TMIGD3: variants seen among roughly 807,000 people sequenced by gnomAD.
The protein encoded by TMIGD3 is AD026 protein (AD026).
TMIGD3 carries 21 observed loss-of-function variants against 28.1 expected under a neutral mutation model. The observed-to-expected ratio is 0.75, with a 90% CI of 0.53 to 1.08. TMIGD3 has a LOEUF of 1.08. Ranked by LOEUF, TMIGD3 falls within the 50% of genes least tolerant of loss-of-function variation. The pLI, the probability that TMIGD3 is intolerant of heterozygous loss-of-function variation, is 0.00. For synonymous variants in TMIGD3, 151 were observed against 162.1 expected (o/e 0.93, Z 0.52); for missense variants, 416 against 435.6 (o/e 0.96, Z 0.40).
chr1:111,541,509 A>G (rs1439463122), intron 1 of TMIGD3, among the ~76,000 whole-genome samples: 1 of 152,230 alleles, frequency 6.6e-6, no homozygotes, highest in Non-Finnish European at 1.5e-5. Flanking sequence ...AATTTGGGAC[A>G]TGCCAAGTTG....
chr1:111,541,771 C>T (rs1656836077), intron 1 of TMIGD3, among the ~76,000 whole-genome samples: 1 of 151,938 alleles, frequency 6.6e-6, no homozygotes, highest in Non-Finnish European at 1.5e-5. Flanking sequence ...GGACAGGGGA[C>T]GAGGGGCCCG....
Position 111,485,720 on chromosome 1 carries a change from C to A in TMIGD3, c.973+20G>T. On this transcript the variant is annotated intron_variant, in intron 5 of 5. Coordinates refer to ENST00000369716, the MANE Select transcript of TMIGD3 (RefSeq NM_020683.7). ...TTCTCTAATTCTTGCCCACCCCCTC[C>A]CTCAACAATAGCTACTTACCCCTTC... 8.0e-7 allele frequency: 1 copy of A among 1,247,898 alleles called. No individual in the cohort carries two copies. The highest frequency in any genetic ancestry group is 1.3e-5 in the South Asian group (1 of 79,574). 77.3% of individuals were successfully genotyped at this position (1,247,898 alleles called of 1,614,324 possible). A position where few individuals can be genotyped will look rare whatever the true frequency, so the allele number is the denominator to read the frequency against.
At chr1:111,542,779 C>G (rs1006268899) in intron 1 of TMIGD3, among the ~76,000 whole-genome samples, 4 of 152,134 alleles carry the variant, frequency 2.6e-5, no homozygotes, top group Non-Finnish European at 5.9e-5. Context: ...TCACTGAAAC[C>G]TCCGCCTCCC....
Position 111,486,641 on chromosome 1 carries a change from T to C in TMIGD3, c.817A>G (p.Asn273Asp), listed in dbSNP as rs1654389897. 6.2e-7 allele frequency: 1 copy of C among 1,613,824 alleles called. No individual in the cohort carries two copies. Among genetic ancestry groups the C allele is most frequent in the African/African-American group, 1.3e-5 (1 of 74,896 alleles). The change falls in exon 4 of 6, where the codon AAC becomes GAC. Residue 273 changes from asparagine to aspartate, a missense_variant. Transcript: ENST00000369716. ...GGAGCCTTGCAGCTTCTGGTTTTGT[T>C]GCCTGATAGGTCTGAATCAGAAAGG... ...DFWSGKDLSGNKTRSCKAPKV... is the reference protein window; with the variant it reads ...DFWSGKDLSGDKTRSCKAPKV...
intron 1 of TMIGD3, among the ~76,000 whole-genome samples, chr1:111,559,453 C>T (rs1657643928): frequency 6.6e-6 from 1 of 152,144 alleles, no homozygotes. Context: ...CAGCATAATA[C>T]TGGTCATCAA....
chr1:111,544,589 T>C (rs1656968515), intron 1 of TMIGD3, among the ~76,000 whole-genome samples: 1 of 152,226 alleles, frequency 6.6e-6, no homozygotes, highest in Admixed American at 6.5e-5. Context: ...CCACATTTTG[T>C]TTATCCCCTT....
intron 1 of TMIGD3, among the ~76,000 whole-genome samples, chr1:111,546,919 C>T (rs768855184): frequency 2.6e-5 from 4 of 152,110 alleles, no homozygotes; most frequent in Admixed American, 6.5e-5. Flanking sequence ...TTCTCCATAT[C>T]GTCACCAACA....
chr1:111,514,792 G>C (rs1036102723), intron 1 of TMIGD3, among the ~76,000 whole-genome samples: 2 of 152,056 alleles, frequency 1.3e-5, no homozygotes, highest in South Asian at 2.1e-4. Flanking sequence ...GGCTCTCTCC[G>C]GGCCTGGACC....
intron 5 of TMIGD3, among the ~76,000 whole-genome samples, chr1:111,484,687 T>C (rs1170461173): frequency 6.6e-6 from 1 of 152,242 alleles, no homozygotes; most frequent in East Asian, 1.9e-4. Context: ...TTTCAGATTC[T>C]TCTGGCTATG....
chr1:111,539,847 A>G (rs1277220975), intron 1 of TMIGD3, among the ~76,000 whole-genome samples: 2 of 152,226 alleles, frequency 1.3e-5, no homozygotes, highest in Non-Finnish European at 1.5e-5. Context: ...CAGTGACAGC[A>G]ATAAGGCAAA....
intron 1 of TMIGD3, chr1:111,499,816 G>A: frequency 1.3e-6 from 2 of 1,500,626 alleles, no homozygotes; most frequent in Non-Finnish European, 1.8e-6. Context: ...TAATTGGGGA[G>A]CACTGGAGAT....
chr1:111,549,309 C>CTTTTTTTTTTTT (rs767231547), intron 1 of TMIGD3, among the ~76,000 whole-genome samples: 5 of 125,608 alleles, frequency 4.0e-5, no homozygotes, highest in Admixed American at 7.9e-5. Context: ...CAGTCATGGG[C>CTTTTTTTTTTTT]TTTTTTTTTT....
Position 111,490,765 on chromosome 1 carries a change from G to C in TMIGD3, c.351-3C>G. ...CAGGGAGCCCAGGAATTCTGAATCT[G>C]TTTAAGGGAAACAGATATGCTTGAG... is the stretch of plus-strand genomic sequence containing the variant. On this transcript the variant is annotated splice_polypyrimidine_tract_variant and splice_region_variant and intron_variant, in intron 1 of 5. Coordinates refer to ENST00000369716, the MANE Select transcript of TMIGD3 (RefSeq NM_020683.7). 1 of 1,607,478 alleles carries C rather than the reference G, an allele frequency of 6.2e-7. No individual in the cohort carries two copies. The highest frequency in any genetic ancestry group is 8.5e-7 in the Non-Finnish European group (1 of 1,174,518).
chr1:111,485,953 A>G, intron 4 of TMIGD3, 113 bp from the exon 5 acceptor site: 2 of 783,460 alleles, frequency 2.6e-6, no homozygotes, highest in South Asian at 3.5e-5. Flanking sequence ...CAACCCAGTT[A>G]CAGTAGCTTC....
At chr1:111,509,391 C>A (rs1013974937) in intron 1 of TMIGD3, among the ~76,000 whole-genome samples, 7 of 152,296 alleles carry the variant, frequency 4.6e-5, no homozygotes, top group Non-Finnish European at 8.8e-5. Flanking sequence ...TATCACAGTC[C>A]TAGGCTTCTG....
At chr1:111,540,622 G>A (rs1387285666) in intron 1 of TMIGD3, among the ~76,000 whole-genome samples, 1 of 152,098 alleles carries the variant, frequency 6.6e-6, no homozygotes, top group Non-Finnish European at 1.5e-5. Flanking sequence ...CTTCCTGACT[G>A]CCAGTCATGC....
In TMIGD3 at chr1:111,486,625, C is replaced by A. The variant is rs1431642129; in HGVS notation, c.833G>T (p.Cys278Phe). Reference protein sequence around the residue: ...KDLSGNKTRSCKAPKVVRKAD... With the variant: ...KDLSGNKTRSFKAPKVVRKAD... The stretch of plus-strand genomic sequence containing the variant: ...CTTGCGGACAACTTTGGGAGCCTTG[C>A]AGCTTCTGGTTTTGTTGCCTGATAG... Residue 278 changes from cysteine (C) to phenylalanine (F), a missense_variant, in exon 4 of 6, where the codon TGC becomes TTC. Cys to Phe is a radical substitution (Grantham distance 205, BLOSUM62 -2). Coordinates refer to ENST00000369716, the MANE Select transcript of TMIGD3 (RefSeq NM_020683.7). 4 of 1,613,774 alleles carry A rather than the reference C, an allele frequency of 2.5e-6. No individual in the cohort carries two copies. The highest frequency in any genetic ancestry group is 3.4e-6 in the Non-Finnish European group (4 of 1,179,996).
intron 1 of TMIGD3, among the ~76,000 whole-genome samples, chr1:111,513,236 G>A (rs1033631240): frequency 2.6e-5 from 4 of 152,142 alleles, no homozygotes; most frequent in African/African-American, 4.8e-5. Flanking sequence ...AAGGCCTGGC[G>A]GATCACTCAG....
At chr1:111,556,790 C>A (rs1657507963) in intron 1 of TMIGD3, among the ~76,000 whole-genome samples, 1 of 151,960 alleles carries the variant, frequency 6.6e-6, no homozygotes. Context: ...CTCTGGGAAG[C>A]TTTTTAAAAA....
Sources: gnomAD v4.1 joint callset for allele counts (sites outside exome capture counted in the v4.1 genomes callset) on GRCh38, gnomAD v4.1.1 for gene constraint, MANE v1.5 for transcripts, NCBI Gene and HGNC (gene_info 2026-07-23, HGNC 2026-07-21) for gene names.